The following C3orf20 variants were observed in gnomAD, a reference collection of about 807,000 sequenced individuals.
C3orf20 encodes family with sequence similarity 149 member C.
In C3orf20, 76 loss-of-function variants were observed where a neutral mutation model predicts 88.3. The ratio of observed to expected loss-of-function variants is 0.86; its 90% CI spans 0.72 to 1.04. C3orf20 has a LOEUF of 1.04. Among genes scored for constraint, C3orf20 ranks in the 50% least tolerant of loss-of-function variants. The pLI, the probability that C3orf20 is intolerant of heterozygous loss-of-function variation, is 0.00. For missense variants in C3orf20, 1,056 were observed against 1,123.3 expected (o/e 0.94, Z 0.86); for synonymous variants, 436 against 437.4 (o/e 1.00, Z 0.04).
intron 12 of C3orf20, among the ~76,000 whole-genome samples, chr3:14,731,195 T>C (rs1000792348): frequency 1.3e-5 from 2 of 152,232 alleles, no homozygotes; most frequent in Non-Finnish European, 2.9e-5. Flanking sequence ...TTTGTAGATA[T>C]AGTTTTGCAT....
Position 14,721,803 on chromosome 3 carries a change from T to G in C3orf20, c.1566+19T>G. On this transcript the variant is annotated intron_variant, in intron 10 of 16. Coordinates refer to ENST00000253697, the MANE Select transcript of C3orf20 (RefSeq NM_032137.5). ...CAAACGGGTAAGGCAAGGCAGACTA[T>G]GCACCCAGCCCTGACCCCTGGGCAT... 1 of 1,613,928 alleles carries G rather than the reference T, an allele frequency of 6.2e-7. No homozygotes were observed. The highest frequency in any genetic ancestry group is 8.5e-7 in the Non-Finnish European group (1 of 1,179,864).
Position 14,714,117 on chromosome 3 carries a change from A to T in C3orf20, c.1271A>T (p.Asn424Ile). Residue 424 changes from asparagine (N) to isoleucine (I), a missense_variant, in exon 8 of 17, where the codon AAT becomes ATT. By Grantham distance (149) the Asn-to-Ile change is moderately radical (BLOSUM62 -3). Transcript: ENST00000253697. The part of the protein sequence containing the change: ...IPGFSLLALF[N>I]TEGQGCVHYN... ...GGATTCTCCTTGCTGGCCCTATTCA[A>T]TACTGAAGGCCAGGGCTGTGTTCAC... 1 of 1,614,048 alleles carries T rather than the reference A, an allele frequency of 6.2e-7. No individual in the cohort carries two copies.
At chr3:14,687,651 C>T (rs1007989193) in intron 4 of C3orf20, among the ~76,000 whole-genome samples, 12 of 152,210 alleles carry the variant, frequency 7.9e-5, no homozygotes. Flanking sequence ...AACCCTCGGG[C>T]CTGACACCTG....
intron 15 of C3orf20, among the ~76,000 whole-genome samples, chr3:14,763,767 T>C (rs567485070): frequency 6.6e-6 from 1 of 152,232 alleles, no homozygotes; most frequent in East Asian, 1.9e-4. Flanking sequence ...TATTGGGTTA[T>C]GGGGATTAGA....
intron 7 of C3orf20, among the ~76,000 whole-genome samples, chr3:14,707,445 T>TTGTGTGTGTGTG (rs36047273): frequency 5.1e-4 from 69 of 136,448 alleles, no homozygotes; most frequent in African/African-American, 1.4e-3. Context: ...GCATCTTTTC[T>TTGTGTGTGTGTG]TGTGTGTGTG....
chr3:14,712,664 T>C (rs1212865191), intron 7 of C3orf20, among the ~76,000 whole-genome samples: 1 of 152,212 alleles, frequency 6.6e-6, no homozygotes, highest in South Asian at 2.1e-4. Flanking sequence ...TTTCAAATCA[T>C]ATAGGAAAAA....
intron 7 of C3orf20, among the ~76,000 whole-genome samples, chr3:14,709,169 A>C (rs972973658): frequency 6.6e-6 from 1 of 152,224 alleles, no homozygotes; most frequent in Non-Finnish European, 1.5e-5. Context: ...AAATGGAAAG[A>C]CATCTTGTGT....
intron 5 of C3orf20, 150 bp from the exon 6 acceptor site, chr3:14,702,980 C>A (rs1016140012): frequency 4.5e-6 from 4 of 896,376 alleles, no homozygotes; most frequent in Non-Finnish European, 6.9e-6. Context: ...GGTTACAGGG[C>A]CCATGCAAGT....
intron 12 of C3orf20, among the ~76,000 whole-genome samples, chr3:14,754,559 G>A (rs979253312): frequency 6.6e-6 from 1 of 152,192 alleles, no homozygotes; most frequent in Admixed American, 6.5e-5. Flanking sequence ...GTTGTTGCAA[G>A]TTTTTTCATT....
At chr3:14,692,302 AT>A (rs1190318380) in intron 5 of C3orf20, among the ~76,000 whole-genome samples, 1 of 151,986 alleles carries the variant, frequency 6.6e-6, no homozygotes, top group Non-Finnish European at 1.5e-5. Context: ...CTCTATCTTT[AT>A]TTTTTTGAGG....
rs184672814 is a variant in C3orf20, at chr3:14,726,282, C to T, written c.1567-619C>T. 7.2e-5 allele frequency among the ~76,000 whole-genome samples: 11 copies of T among 152,316 alleles called. No homozygotes were observed. The East Asian group carries it at 1.7e-3, about 24-fold the overall frequency. On this transcript the variant is annotated intron_variant, in intron 10 of 16. Transcript: ENST00000253697. Reference sequence around the variant, plus strand: ...CCCAAATGGAAACAAGAGGCCTGGGCCTTTGTGGCCTGCAATTACCAGTCA... The same window carrying T: ...CCCAAATGGAAACAAGAGGCCTGGGTCTTTGTGGCCTGCAATTACCAGTCA...
chr3:14,758,111 TCAGATGCAAACCGGG>T (rs1376253346), intron 13 of C3orf20, among the ~76,000 whole-genome samples: 1 of 152,126 alleles, frequency 6.6e-6, no homozygotes, highest in Non-Finnish European at 1.5e-5. Context: ...CCAGCATGAC[TCAGATGCAAACCGGG>T]CCCTAGAGGA....
intron 5 of C3orf20, among the ~76,000 whole-genome samples, chr3:14,699,090 A>G (rs951176758): frequency 4.6e-5 from 7 of 151,990 alleles, no homozygotes; most frequent in Non-Finnish European, 8.8e-5. Context: ...GCCTACTGCC[A>G]CTGTTCACTT....
chr3:14,733,621 G>A (rs1293267719), intron 12 of C3orf20, among the ~76,000 whole-genome samples: 1 of 150,622 alleles, frequency 6.6e-6, no homozygotes, highest in African/African-American at 2.4e-5. Flanking sequence ...ATTTCTTTTT[G>A]TGTTTATTTT....
At position 14,726,949 on chromosome 3, in the gene C3orf20, C is replaced by T. The variant is rs376607245; in HGVS notation, c.1615C>T (p.Arg539Ter). 14 of 1,614,126 alleles carry T rather than the reference C, an allele frequency of 8.7e-6. No individual in the cohort carries two copies. Among genetic ancestry groups the T allele is most frequent in the East Asian group, 4.5e-5 (2 of 44,876 alleles). The change falls in exon 11 of 17, where the codon CGA (arginine) becomes TGA (stop). Residue 539 changes from arginine to a stop codon, truncating the protein, a stop_gained. Coordinates refer to ENST00000253697, the MANE Select transcript of C3orf20 (RefSeq NM_032137.5). LOFTEE classifies it high-confidence loss of function. Reference protein sequence around the residue: ...NMDDKVYKMSRALAEIKKRFQ... With the variant: ...NMDDKVYKMS ...GGACGACAAGGTGTATAAGATGAGC[C>T]GAGCCCTGGCTGAGATCAAGAAGCG...
chr3:14,684,377 G>A lies in C3orf20; in HGVS notation c.620G>A (p.Trp207Ter). 6.2e-7 allele frequency: 1 copy of A among 1,613,872 alleles called. No homozygotes were observed. ...AGTGGCTACAGCAGCGGACAGTTGTGGAAAGGTGGGTACCTGAGCTTCAAC... is the reference window on the plus strand; with the variant it reads ...AGTGGCTACAGCAGCGGACAGTTGTAGAAAGGTGGGTACCTGAGCTTCAAC... ...GRSGYSSGQL[W>*]KESLANMSAI... The change falls in exon 4 of 17, where the codon TGG becomes TAG. Residue 207 changes from tryptophan to a stop codon, truncating the protein, a stop_gained. Transcript: ENST00000253697. LOFTEE classifies it high-confidence loss of function.
In C3orf20 at chr3:14,728,405, A is replaced by T. The variant is rs2034430445; in HGVS notation, c.1691-34A>T. 4.3e-6 allele frequency: 7 copies of T among 1,611,430 alleles called. No homozygotes were observed. In the Middle Eastern group the frequency reaches 8.3e-4, roughly 190 times the overall value. On this transcript the variant is annotated intron_variant, in intron 11 of 16. Coordinates refer to ENST00000253697, the MANE Select transcript of C3orf20 (RefSeq NM_032137.5). ...CAGGGGCAGAGGAGTCCTGGCCATGAAGGGAAAATGACAGCAGCATCTTCT... is the reference window on the plus strand; with the variant it reads ...CAGGGGCAGAGGAGTCCTGGCCATGTAGGGAAAATGACAGCAGCATCTTCT...
At chr3:14,749,147 G>C (rs992816457) in intron 12 of C3orf20, among the ~76,000 whole-genome samples, 1 of 152,062 alleles carries the variant, frequency 6.6e-6, no homozygotes, top group Admixed American at 6.5e-5. Flanking sequence ...ATGTGTATAT[G>C]TTTGCAATTG....
chr3:14,727,409 C>T (rs191043891), intron 11 of C3orf20, among the ~76,000 whole-genome samples: 8 of 152,236 alleles, frequency 5.3e-5, no homozygotes, highest in African/African-American at 1.9e-4. Context: ...ATCTGGAGCC[C>T]CTGCTCCTCC....
Sources: allele counts gnomAD v4.1 joint callset (sites outside exome capture counted in the v4.1 genomes callset), GRCh38; gene constraint gnomAD v4.1.1; transcripts MANE v1.5; gene names NCBI Gene and HGNC (gene_info 2026-07-23, HGNC 2026-07-21).